MAST4: variants seen among roughly 807,000 people sequenced by gnomAD.
The protein encoded by MAST4 is microtubule associated serine/threonine kinase family member 4, also known as microtubule-associated serine/threonine-protein kinase 4.
A neutral mutation model predicts 162.7 loss-of-function variants in MAST4; 89 were observed. That is an observed-to-expected ratio of 0.55 (90% CI 0.46 to 0.65). The LOEUF is 0.65. MAST4 is among the 30% of genes least tolerant of loss of function. The pLI, the probability that MAST4 is intolerant of heterozygous loss-of-function variation, is 0.00. For synonymous variants in MAST4, 1,479 were observed against 1,361.1 expected (o/e 1.09, Z -1.91); for missense variants, 3,153 against 3,374.0 (o/e 0.93, Z 1.62).
intron 4 of MAST4, among the ~76,000 whole-genome samples, chr5:66,909,709 G>A (rs528677827): frequency 1.3e-5 from 2 of 152,252 alleles, no homozygotes; most frequent in African/African-American, 4.8e-5. Context: ...AAGGGAGTGG[G>A]TACTGATAGC....
At chr5:66,807,811 G>A (rs982938712) in intron 3 of MAST4, among the ~76,000 whole-genome samples, 10 of 152,278 alleles carry the variant, frequency 6.6e-5, no homozygotes, top group African/African-American at 2.4e-4. Context: ...TCAGGCAGCT[G>A]CTTCCCTAAG....
chr5:66,638,963 T>C (rs1745305073), intron 1 of MAST4, among the ~76,000 whole-genome samples: 1 of 152,092 alleles, frequency 6.6e-6, no homozygotes, highest in Admixed American at 6.5e-5. Context: ...ACATGTTAAG[T>C]TTGGGATAGT....
At chr5:66,890,208 T>C (rs891929789) in intron 3 of MAST4, among the ~76,000 whole-genome samples, 2 of 152,180 alleles carry the variant, frequency 1.3e-5, no homozygotes, top group African/African-American at 4.8e-5. Context: ...AACCTTGATA[T>C]AATAAATGCA....
At chr5:66,604,614 C>A (rs1459558893) in intron 1 of MAST4, among the ~76,000 whole-genome samples, 1 of 152,236 alleles carries the variant, frequency 6.6e-6, no homozygotes, top group Non-Finnish European at 1.5e-5. Context: ...GTCTGTTAAA[C>A]TCACATCAGA....
intron 1 of MAST4, among the ~76,000 whole-genome samples, chr5:66,616,746 C>T (rs1743719851): frequency 6.6e-6 from 1 of 152,230 alleles, no homozygotes; most frequent in Non-Finnish European, 1.5e-5. Context: ...AGTCTATCTT[C>T]TGAATAGGCA....
chr5:66,987,953 G>C (rs1749696432), intron 4 of MAST4, among the ~76,000 whole-genome samples: 1 of 152,086 alleles, frequency 6.6e-6, no homozygotes, highest in African/African-American at 2.4e-5. Context: ...TGATGCTGAG[G>C]TTAATAATTA....
intron 3 of MAST4, among the ~76,000 whole-genome samples, chr5:66,877,954 CT>C (rs1279296934): frequency 1.3e-5 from 2 of 152,200 alleles, no homozygotes; most frequent in Non-Finnish European, 2.9e-5. Context: ...AGAAAAAGCC[CT>C]CTACCTTTTC....
intron 1 of MAST4, among the ~76,000 whole-genome samples, chr5:66,599,226 C>T (rs1189057891): frequency 6.6e-6 from 1 of 152,156 alleles, no homozygotes; most frequent in African/African-American, 2.4e-5. Context: ...CTGGTTCTTA[C>T]ACTGGTGATG....
intron 21 of MAST4, among the ~76,000 whole-genome samples, chr5:67,143,735 C>T (rs771460923): frequency 6.6e-6 from 1 of 152,156 alleles, no homozygotes; most frequent in African/African-American, 2.4e-5. Flanking sequence ...GTCCTAGAGC[C>T]AGGACAGAAG....
chr5:66,728,927 G>A (rs914943382), intron 1 of MAST4, among the ~76,000 whole-genome samples: 1 of 152,182 alleles, frequency 6.6e-6, no homozygotes, highest in African/African-American at 2.4e-5. Context: ...CTTACCCTGA[G>A]GGGAGGAAGG....
chr5:66,861,377 T>A (rs1394451217), intron 3 of MAST4, among the ~76,000 whole-genome samples: 1 of 152,264 alleles, frequency 6.6e-6, no homozygotes, highest in Non-Finnish European at 1.5e-5. Context: ...AAGTGTTTAC[T>A]CATGCCACGG....
chr5:67,161,111 C>G (rs2151113941), intron 27 of MAST4, among the ~76,000 whole-genome samples: 1 of 152,288 alleles, frequency 6.6e-6, no homozygotes, highest in East Asian at 1.9e-4. Flanking sequence ...AAGCACTGAT[C>G]AGTATCTTTT....
intron 3 of MAST4, 74 bp from the exon 4 acceptor site, chr5:66,899,877 G>A (rs1762899045): frequency 3.4e-6 from 4 of 1,179,392 alleles, no homozygotes; most frequent in African/African-American, 1.6e-5. Context: ...TACATTCTAC[G>A]TTATCCATTT....
intron 4 of MAST4, among the ~76,000 whole-genome samples, chr5:66,907,843 G>T (rs543799087): frequency 3.3e-5 from 5 of 152,084 alleles, no homozygotes; most frequent in Non-Finnish European, 7.4e-5. Context: ...GAGAGGGAAA[G>T]AGTTTAATTC....
chr5:66,716,729 G>A (rs1750865793), intron 1 of MAST4, among the ~76,000 whole-genome samples: 1 of 152,046 alleles, frequency 6.6e-6, no homozygotes, highest in Non-Finnish European at 1.5e-5. Flanking sequence ...CATTTCTCCA[G>A]GGCATCTGAC....
intron 1 of MAST4, among the ~76,000 whole-genome samples, chr5:66,697,020 T>C (rs1402055254): frequency 6.6e-6 from 1 of 152,202 alleles, no homozygotes; most frequent in East Asian, 1.9e-4. Context: ...CACAATGAAA[T>C]ATGGTTGTCT....
chr5:67,153,649 T>C, intron 26 of MAST4, 69 bp downstream of exon 26: 1 of 1,411,582 alleles, frequency 7.1e-7, no homozygotes, highest in Non-Finnish European at 9.4e-7. Context: ...TACCAGGAGA[T>C]TGATTTCCCT....
intron 1 of MAST4, among the ~76,000 whole-genome samples, chr5:66,693,203 T>C (rs974426577): frequency 2.0e-5 from 3 of 152,180 alleles, no homozygotes; most frequent in Non-Finnish European, 4.4e-5. Context: ...TTTGCCTTGC[T>C]TTCAACAAGT....
rs142563552 is a variant in MAST4 at position 66,834,559 on chromosome 5, C to T, written c.642+45765C>T. Among the ~76,000 whole-genome samples, 25 of 152,260 alleles carry T rather than the reference C, an allele frequency of 1.6e-4. No individual in the cohort carries two copies. In the East Asian group the frequency reaches 4.8e-3, roughly 29 times the overall value. On this transcript the variant is annotated intron_variant, in intron 3 of 28. Transcript: ENST00000403625. ...AGATGGGCAAATGAAGTACACCTAA[C>T]ATGGTTTATAAGGAACACATGCCAG...
Sources: gnomAD v4.1 joint callset for allele counts (sites outside exome capture counted in the v4.1 genomes callset) on GRCh38, gnomAD v4.1.1 for gene constraint, MANE v1.5 for transcripts, NCBI Gene and HGNC (gene_info 2026-07-23, HGNC 2026-07-21) for gene names.